FILIP1L: variants seen among roughly 807,000 people sequenced by gnomAD.
FILIP1L encodes filamin A-interacting protein 1-like.
FILIP1L carries 55 observed loss-of-function variants against 96.6 expected under a neutral mutation model. That is an observed-to-expected ratio of 0.57 (90% CI 0.46 to 0.71). The LOEUF (loss-of-function observed/expected upper bound fraction) is 0.71, where lower values mean the gene tolerates loss of function less well. Ranked by LOEUF, FILIP1L falls within the 30% of genes least tolerant of loss-of-function variation. FILIP1L has a pLI of 0.00. For missense variants in FILIP1L, 1,304 were observed against 1,321.2 expected (o/e 0.99, Z 0.20); for synonymous variants, 467 against 473.9 (o/e 0.99, Z 0.19).
At chr3:100,107,107 C>A (rs898131130) in intron 1 of FILIP1L, among the ~76,000 whole-genome samples, 1 of 152,004 alleles carries the variant, frequency 6.6e-6, no homozygotes, top group African/African-American at 2.4e-5. Context: ...AGGTGAAAAT[C>A]TTTATATTCT....
At chr3:99,914,506 A>G (rs530770166) in intron 4 of FILIP1L, among the ~76,000 whole-genome samples, 8 of 152,338 alleles carry the variant, frequency 5.3e-5, no homozygotes, top group African/African-American at 1.7e-4. Flanking sequence ...CATGTCATTA[A>G]CATTCACTTT....
chr3:99,885,004 C>T (rs1477322233), intron 4 of FILIP1L, among the ~76,000 whole-genome samples: 3 of 152,286 alleles, frequency 2.0e-5, no homozygotes, highest in Admixed American at 6.5e-5. Context: ...AATTGTGCTA[C>T]GATACTGTTC....
At chr3:99,994,722 G>A (rs1191978833) in intron 1 of FILIP1L, among the ~76,000 whole-genome samples, 2 of 152,184 alleles carry the variant, frequency 1.3e-5, no homozygotes, top group Non-Finnish European at 2.9e-5. Flanking sequence ...TGGCTGGGGA[G>A]GCCTCAGAAT....
intron 1 of FILIP1L, among the ~76,000 whole-genome samples, chr3:99,994,091 A>G (rs1177869662): frequency 2.0e-5 from 3 of 152,010 alleles, no homozygotes; most frequent in Non-Finnish European, 4.4e-5. Flanking sequence ...AATCCATTTG[A>G]TCTTGTGCTT....
chr3:99,897,346 G>A (rs977194347), intron 4 of FILIP1L, among the ~76,000 whole-genome samples: 1 of 151,936 alleles, frequency 6.6e-6, no homozygotes, highest in Non-Finnish European at 1.5e-5. Context: ...TCCAGCCTGG[G>A]GGACAAGAGC....
chr3:99,870,429 G>A (rs545595269), intron 4 of FILIP1L, among the ~76,000 whole-genome samples: 1 of 152,250 alleles, frequency 6.6e-6, no homozygotes, highest in East Asian at 1.9e-4. Flanking sequence ...TTTATGTGTA[G>A]CTGATCTCTC....
At chr3:100,087,884 G>T (rs1485376775) in intron 1 of FILIP1L, among the ~76,000 whole-genome samples, 1 of 144,056 alleles carries the variant, frequency 6.9e-6, no homozygotes, top group African/African-American at 2.6e-5. Flanking sequence ...AGGCTGGAGT[G>T]CAGTGGCAAG....
At chr3:100,029,042 G>A (rs1003976445) in intron 1 of FILIP1L, among the ~76,000 whole-genome samples, 1 of 151,992 alleles carries the variant, frequency 6.6e-6, no homozygotes. Flanking sequence ...AAATTTTTTT[G>A]AGCCTGGAAT....
intron 1 of FILIP1L, among the ~76,000 whole-genome samples, chr3:99,941,114 G>A (rs1707837584): frequency 6.6e-6 from 1 of 152,184 alleles, no homozygotes; most frequent in Non-Finnish European, 1.5e-5. Flanking sequence ...CTTTTTAGGG[G>A]AAGAGAGGGA....
At chr3:99,949,464 A>T (rs1013347854) in intron 1 of FILIP1L, among the ~76,000 whole-genome samples, 1 of 152,218 alleles carries the variant, frequency 6.6e-6, no homozygotes, top group African/African-American at 2.4e-5. Flanking sequence ...GGAATGCATA[A>T]CTGTCTGTGC....
chr3:99,901,123 T>C (rs1576558956), intron 4 of FILIP1L, among the ~76,000 whole-genome samples: 1 of 152,246 alleles, frequency 6.6e-6, no homozygotes, highest in Non-Finnish European at 1.5e-5. Context: ...TGTTATTTAA[T>C]ACAAATCAAG....
chr3:99,941,718 G>C (rs1300918500), intron 1 of FILIP1L, among the ~76,000 whole-genome samples: 1 of 152,098 alleles, frequency 6.6e-6, no homozygotes, highest in African/African-American at 2.4e-5. Context: ...AAAAAGTCAA[G>C]TTTTCAAGGA....
intron 1 of FILIP1L, among the ~76,000 whole-genome samples, chr3:100,034,612 A>C (rs2065076495): frequency 6.6e-6 from 1 of 152,206 alleles, no homozygotes; most frequent in South Asian, 2.1e-4. Flanking sequence ...TTATCAGTAA[A>C]ACTAAGCAGA....
chr3:99,960,613 A>G (rs1342134235), intron 1 of FILIP1L, among the ~76,000 whole-genome samples: 1 of 152,076 alleles, frequency 6.6e-6, no homozygotes, highest in African/African-American at 2.4e-5. Context: ...CAGTCTTTTT[A>G]CCTGCTTCCT....
chr3:100,021,332 A>G (rs1335416225), intron 1 of FILIP1L, among the ~76,000 whole-genome samples: 1 of 152,174 alleles, frequency 6.6e-6, no homozygotes, highest in African/African-American at 2.4e-5. Flanking sequence ...TTGTGCCCTC[A>G]ACTTTATCCC....
intron 4 of FILIP1L, among the ~76,000 whole-genome samples, chr3:99,891,561 A>T: frequency 6.6e-6 from 1 of 151,486 alleles, no homozygotes. Context: ...TATGTGTTGG[A>T]TTTTTTGGGT....
In FILIP1L at chr3:99,938,599, T is replaced by G. The variant is rs567115927; in HGVS notation, c.-10-7569A>C. ...TCCCCCTATCTTTACACAGAACCTT[T>G]AAGCTAAGATTTAGTTCCCTGAAAG... On this transcript the variant is annotated intron_variant, in intron 1 of 5. Coordinates refer to ENST00000477258, the MANE Select transcript of FILIP1L (RefSeq NM_001387850.1). Among the ~76,000 whole-genome samples, 228 of 152,350 alleles carry G rather than the reference T, an allele frequency of 1.5e-3. 1 individual carries two copies. Among genetic ancestry groups the G allele is most frequent in the Non-Finnish European group, 2.2e-3 (148 of 68,030 alleles).
chr3:99,850,235 T>C lies in FILIP1L; in HGVS notation c.1441A>G (p.Lys481Glu). Residue 481 changes from lysine to glutamate, a missense_variant, in exon 5 of 6, where the codon AAG becomes GAG. Coordinates refer to ENST00000477258, the MANE Select transcript of FILIP1L (RefSeq NM_001387850.1). ...ELEAIESRLE[K>E]TEFTLKEDLT... Reference sequence around the variant, plus strand: ...TCCTCTTTTAGAGTGAATTCTGTCTTTTCTAGCCGACTTTCAATGGCTTCT... The same window carrying C: ...TCCTCTTTTAGAGTGAATTCTGTCTCTTCTAGCCGACTTTCAATGGCTTCT... The C allele has an allele frequency of 6.2e-7, 1 of 1,613,750 alleles. No homozygotes were observed. Among genetic ancestry groups the C allele is most frequent in the Non-Finnish European group, 8.5e-7 (1 of 1,180,022 alleles).
chr3:100,101,729 C>A (rs2066309120), intron 1 of FILIP1L, among the ~76,000 whole-genome samples: 1 of 152,080 alleles, frequency 6.6e-6, no homozygotes, highest in South Asian at 2.1e-4. Flanking sequence ...ATTAACTCAT[C>A]ATTTAACATT....
Sources: gnomAD v4.1 joint callset for allele counts (sites outside exome capture counted in the v4.1 genomes callset) on GRCh38, gnomAD v4.1.1 for gene constraint, MANE v1.5 for transcripts, NCBI Gene and HGNC (gene_info 2026-07-23, HGNC 2026-07-21) for gene names.